The following GPHN variants were observed in gnomAD, a reference collection of about 807,000 sequenced individuals.
GPHN encodes the protein gephyrin.
GPHN carries 17 observed loss-of-function variants against 95.5 expected under a neutral mutation model. The observed-to-expected ratio is 0.18, with a 90% CI of 0.12 to 0.27. GPHN has a LOEUF of 0.27. Ranked by LOEUF, GPHN falls within the 10% of genes least tolerant of loss-of-function variation. The pLI, the probability that GPHN is intolerant of heterozygous loss-of-function variation, is 1.00. For missense variants in GPHN, 660 were observed against 978.1 expected (o/e 0.67, Z 4.34); for synonymous variants, 320 against 322.5 (o/e 0.99, Z 0.08).
intron 3 of GPHN, among the ~76,000 whole-genome samples, chr14:66,788,260 A>G (rs1163980802): frequency 1.3e-5 from 2 of 152,152 alleles, no homozygotes; most frequent in East Asian, 3.9e-4. Context: ...AGTGAGCCAA[A>G]ATGGCACCAC....
the GPHN span, chr14:67,592,832 C>G: frequency 5.3e-5 from 37 of 700,854 alleles, 1 homozygote; most frequent in South Asian, 3.9e-4. Flanking sequence ...GTTGCCCAAG[C>G]TGCAGTGCAG....
the GPHN span, among the ~76,000 whole-genome samples, chr14:67,266,596 G>A: frequency 6.6e-6 from 1 of 152,134 alleles, no homozygotes; most frequent in Non-Finnish European, 1.5e-5. Flanking sequence ...AAAGTGTTGG[G>A]ATTACAGGCA....
intron 8 of GPHN, among the ~76,000 whole-genome samples, chr14:66,940,177 T>C (rs1596450306): frequency 6.7e-6 from 1 of 150,006 alleles, no homozygotes; most frequent in Non-Finnish European, 1.5e-5. Flanking sequence ...GAGTGTCCCA[T>C]AGTATGGAGA....
intron 3 of GPHN, among the ~76,000 whole-genome samples, chr14:66,785,920 T>G (rs999407008): frequency 2.0e-5 from 3 of 151,724 alleles, no homozygotes; most frequent in African/African-American, 7.3e-5. Context: ...AGAGGAAAAA[T>G]TATATGCAAA....
At chr14:67,170,141 C>G (rs1453464837) in intron 21 of GPHN, among the ~76,000 whole-genome samples, 2 of 151,940 alleles carry the variant, frequency 1.3e-5, no homozygotes, top group African/African-American at 4.8e-5. Context: ...AGGATAAAAA[C>G]ATTAAAAAAA....
chr14:67,735,118 A>G, the GPHN span: 79 of 792,316 alleles, frequency 1.0e-4, 1 homozygote, highest in South Asian at 8.5e-4. Context: ...AAAGAAAACA[A>G]TGATAGGCAT....
intron 1 of GPHN, among the ~76,000 whole-genome samples, chr14:66,678,971 A>T (rs188996649): frequency 1.1e-4 from 16 of 152,318 alleles, no homozygotes; most frequent in African/African-American, 3.8e-4. Context: ...GTGCACAGGC[A>T]CTGGCAGTGT....
chr14:67,372,257 A>G, the GPHN span, among the ~76,000 whole-genome samples: 3 of 152,210 alleles, frequency 2.0e-5, no homozygotes, highest in Admixed American at 6.5e-5. Context: ...GTCCATATGC[A>G]AAAAAGAACC....
chr14:67,693,038 C>T, the GPHN span: 1 of 1,612,808 alleles, frequency 6.2e-7, no homozygotes, highest in Non-Finnish European at 8.5e-7. Flanking sequence ...ACACACCCCA[C>T]TGGACAGCAT....
chr14:66,509,510 G>A (rs1414454939), intron 1 of GPHN: 2 of 152,254 alleles, frequency 1.3e-5, no homozygotes, highest in African/African-American at 4.8e-5. Context: ...CCGTCACTTC[G>A]GCGATCGGCA....
intron 3 of GPHN, among the ~76,000 whole-genome samples, chr14:66,822,826 T>C (rs2061249513): frequency 6.6e-6 from 1 of 152,214 alleles, no homozygotes; most frequent in South Asian, 2.1e-4. Context: ...AGATTTGATA[T>C]AAATGGATTG....
the GPHN span, chr14:67,303,462 AATC>A: frequency 7.5e-7 from 1 of 1,339,048 alleles, no homozygotes; most frequent in Admixed American, 1.7e-5. Context: ...TAGATCATAA[AATC>A]ATGGAATGAT....
intron 8 of GPHN, among the ~76,000 whole-genome samples, chr14:66,932,822 G>A (rs890806781): frequency 6.6e-6 from 1 of 151,978 alleles, no homozygotes; most frequent in African/African-American, 2.4e-5. Context: ...TGCCCTCCAG[G>A]AGCTAAGGTT....
chr14:66,661,442 A>G (rs1008316458), intron 1 of GPHN, among the ~76,000 whole-genome samples: 2 of 151,746 alleles, frequency 1.3e-5, no homozygotes, highest in African/African-American at 2.4e-5. Flanking sequence ...CTCAATCCAA[A>G]TCCTCTTCTT....
the GPHN span, among the ~76,000 whole-genome samples, chr14:67,303,813 G>A: frequency 6.6e-6 from 1 of 150,962 alleles, no homozygotes; most frequent in Non-Finnish European, 1.5e-5. Flanking sequence ...TGTTGCCCAG[G>A]GTAGAGTGCA....
the GPHN span, among the ~76,000 whole-genome samples, chr14:67,251,141 C>T: frequency 6.6e-6 from 1 of 152,156 alleles, no homozygotes; most frequent in Non-Finnish European, 1.5e-5. Context: ...TCTGCTTTGT[C>T]TGTAATATAG....
At chr14:66,642,850 C>T (rs1211273597) in intron 1 of GPHN, among the ~76,000 whole-genome samples, 3 of 151,936 alleles carry the variant, frequency 2.0e-5, no homozygotes, top group Middle Eastern at 6.8e-3. Flanking sequence ...TTAGGTACAT[C>T]ATAGATCCAA....
the GPHN span, among the ~76,000 whole-genome samples, chr14:67,205,617 CAGAG>C: frequency 1.3e-5 from 2 of 152,226 alleles, no homozygotes; most frequent in South Asian, 2.1e-4. Flanking sequence ...AGTGGAAAAA[CAGAG>C]AGTCACGTCC....
the GPHN span, chr14:67,200,027 A>C: frequency 3.2e-6 from 3 of 942,234 alleles, no homozygotes; most frequent in Non-Finnish European, 4.8e-6. Context: ...GGACATCCCC[A>C]TTCTGGACAC....
Sources: gnomAD v4.1 joint callset for allele counts (sites outside exome capture counted in the v4.1 genomes callset) on GRCh38, gnomAD v4.1.1 for gene constraint, MANE v1.5 for transcripts, NCBI Gene and HGNC (gene_info 2026-07-23, HGNC 2026-07-21) for gene names.